LPIN1: variants seen among roughly 807,000 people sequenced by gnomAD.
LPIN1 encodes lipin 1, also known as phosphatidate phosphatase LPIN1.
LPIN1 carries 71 observed loss-of-function variants against 107.5 expected under a neutral mutation model. That is an observed-to-expected ratio of 0.66 (90% confidence interval 0.55 to 0.80). The LOEUF is 0.80. LPIN1 is among the 30% of genes least tolerant of loss of function. The probability of loss-of-function intolerance (pLI) is 0.00; values close to 1 mark genes in which losing one functional copy is unlikely to be tolerated. For synonymous variants in LPIN1, 445 were observed against 452.6 expected (o/e 0.98, Z 0.21); for missense variants, 1,043 against 1,160.6 (o/e 0.90, Z 1.47).
upstream of LPIN1, chr2:11,746,477 C>A: frequency 5.4e-6 from 1 of 184,118 alleles, no homozygotes; most frequent in Non-Finnish European, 1.0e-5. Context: ...CAGGGGTGAG[C>A]GGGCAGGGCC....
chr2:11,789,036 C>T (rs1363273892), intron 12 of LPIN1, among the ~76,000 whole-genome samples: 1 of 152,220 alleles, frequency 6.6e-6, no homozygotes, highest in Non-Finnish European at 1.5e-5. Flanking sequence ...CTACCCCAAA[C>T]AATTCACTAG....
At chr2:11,784,000 TTTGA>T in intron 9 of LPIN1, 78 bp downstream of exon 9, 1 of 1,607,838 alleles carries the variant, frequency 6.2e-7, no homozygotes, top group African/African-American at 1.3e-5. Flanking sequence ...TCCCCTTATG[TTTGA>T]TTAGAAAGTG....
chr2:11,718,838 C>A (rs969356664), intron 2 of LPIN1, among the ~76,000 whole-genome samples: 1 of 152,124 alleles, frequency 6.6e-6, no homozygotes. Context: ...GGGACAATTC[C>A]CTTCTCCTCT....
chr2:11,716,759 C>G (rs751526015), intron 2 of LPIN1, among the ~76,000 whole-genome samples: 4 of 152,152 alleles, frequency 2.6e-5, no homozygotes, highest in Non-Finnish European at 4.4e-5. Flanking sequence ...CTGTGAAATA[C>G]AGAAACTCAA....
intron 1 of LPIN1, among the ~76,000 whole-genome samples, chr2:11,754,111 G>A (rs1236608708): frequency 6.6e-6 from 1 of 152,176 alleles, no homozygotes; most frequent in Non-Finnish European, 1.5e-5. Flanking sequence ...GAGGAAGGGT[G>A]CCAGGGGTGG....
At chr2:11,730,377 C>G (rs1039294827) in intron 1 of LPIN1, among the ~76,000 whole-genome samples, 1 of 152,164 alleles carries the variant, frequency 6.6e-6, no homozygotes, top group Non-Finnish European at 1.5e-5. Flanking sequence ...TCATCTGACC[C>G]CATCTACTGC....
At position 11,815,112 on chromosome 2, in the gene LPIN1, T is replaced by G. The variant is rs1244334063; in HGVS notation, c.2274T>G (p.Cys758Trp). ...VSQNGYKFLY[C>W]SARAIGMADM... ...GGAATGGATATAAATTTCTCTACTG[T>G]TCTGCCCGTGCCATCGGGATGGCGG... The change falls in exon 18 of 21, where the codon TGT becomes TGG. Residue 758 changes from cysteine to tryptophan, a missense_variant. By Grantham distance (215) the Cys-to-Trp change is radical. Transcript: ENST00000674199. 2 of 1,614,102 alleles carry G rather than the reference T, an allele frequency of 1.2e-6. No homozygotes were observed. The highest frequency in any genetic ancestry group is 2.7e-5 in the African/African-American group (2 of 74,938).
intron 17 of LPIN1, among the ~76,000 whole-genome samples, chr2:11,811,293 G>T (rs1347240710): frequency 6.6e-6 from 1 of 152,228 alleles, no homozygotes; most frequent in Non-Finnish European, 1.5e-5. Flanking sequence ...GCCACCGGTT[G>T]TCCTTCTGAG....
In LPIN1 at chr2:11,804,568, C is replaced by A; in HGVS notation, c.2159C>A (p.Thr720Asn). 6.2e-7 allele frequency: 1 copy of A among 1,614,070 alleles called. No homozygotes were observed. The highest frequency in any genetic ancestry group is 8.5e-7 in the Non-Finnish European group (1 of 1,180,026). The change falls in exon 16 of 21, where the codon ACC (threonine) becomes AAC (asparagine). Residue 720 changes from threonine (T) to asparagine (N), a missense_variant. Coordinates refer to ENST00000674199, the MANE Select transcript of LPIN1 (RefSeq NM_001349206.2). ...VIISDIDGTI[T>N]RSDTLGHILP... Reference sequence around the variant, plus strand: ...ATTTCTGATATTGATGGGACAATTACCAGGTAGGTCCTGCTGACTTGGGGC... The same window carrying A: ...ATTTCTGATATTGATGGGACAATTAACAGGTAGGTCCTGCTGACTTGGGGC...
At chr2:11,741,435 A>G (rs1558779172) in intron 2 of LPIN1, 1 of 1,538,672 alleles carries the variant, frequency 6.5e-7, no homozygotes, top group East Asian at 2.4e-5. Flanking sequence ...CAGAGTAAGC[A>G]CTGCTGTTCA....
intron 1 of LPIN1, among the ~76,000 whole-genome samples, chr2:11,740,179 G>C (rs1161319816): frequency 6.6e-6 from 1 of 152,138 alleles, no homozygotes; most frequent in Admixed American, 6.6e-5. Context: ...CTTCAGAAAA[G>C]GGAGTGAATT....
At chr2:11,718,559 C>T (rs1663906846) in intron 2 of LPIN1, among the ~76,000 whole-genome samples, 1 of 152,192 alleles carries the variant, frequency 6.6e-6, no homozygotes, top group Admixed American at 6.5e-5. Context: ...TCTAATTTGG[C>T]TTTACATTTG....
chr2:11,819,153 GT>G, intron 18 of LPIN1: 1 of 266,910 alleles, frequency 3.7e-6, no homozygotes, highest in South Asian at 4.5e-5. Context: ...CTTTTTTTAG[GT>G]TTTGTTTTTA....
At chr2:11,808,368 A>T (rs1679076415) in intron 17 of LPIN1, among the ~76,000 whole-genome samples, 1 of 152,186 alleles carries the variant, frequency 6.6e-6, no homozygotes. Flanking sequence ...CTAAGAATTG[A>T]CCAAGGCTTG....
chr2:11,753,027 C>T (rs1020313799), intron 1 of LPIN1, among the ~76,000 whole-genome samples: 1 of 152,102 alleles, frequency 6.6e-6, no homozygotes, highest in Non-Finnish European at 1.5e-5. Flanking sequence ...TGCTTTGGAG[C>T]GTCTGCTGTG....
intron 1 of LPIN1, among the ~76,000 whole-genome samples, chr2:11,698,922 G>A (rs1662726458): frequency 6.6e-6 from 1 of 152,204 alleles, no homozygotes; most frequent in Non-Finnish European, 1.5e-5. Context: ...CGTCCCCTTT[G>A]GGGAAAATAT....
At chr2:11,693,806 A>AT (rs1662407923) in intron 1 of LPIN1, among the ~76,000 whole-genome samples, 4 of 24,284 alleles carry the variant, frequency 1.6e-4, no homozygotes, top group Non-Finnish European at 2.7e-4. Flanking sequence ...ATATATATAT[A>AT]TATATATATA....
chr2:11,796,485 T>A lies in LPIN1; in HGVS notation c.1886+998T>A, dbSNP rs192958517. Among the ~76,000 whole-genome samples, 4 of 152,278 alleles carry A rather than the reference T, an allele frequency of 2.6e-5. No homozygotes were observed. In the East Asian group the frequency reaches 7.7e-4, roughly 29 times the overall value. ...ATGACCTGATTTCTTTATTGTTCTCTGTGGAGAAGAACAGGGTGGAGACGA... is the reference window on the plus strand; with the variant it reads ...ATGACCTGATTTCTTTATTGTTCTCAGTGGAGAAGAACAGGGTGGAGACGA... On this transcript the variant is annotated intron_variant, in intron 14 of 20. Transcript: ENST00000674199.
chr2:11,691,986 A>G (rs1662294985), intron 1 of LPIN1, among the ~76,000 whole-genome samples: 1 of 152,204 alleles, frequency 6.6e-6, no homozygotes, highest in Non-Finnish European at 1.5e-5. Context: ...CAATCTAACT[A>G]TTCTATGAAA....
Sources: gnomAD v4.1 joint callset for allele counts (sites outside exome capture counted in the v4.1 genomes callset) on GRCh38, gnomAD v4.1.1 for gene constraint, MANE v1.5 for transcripts, NCBI Gene and HGNC (gene_info 2026-07-23, HGNC 2026-07-21) for gene names.